MYO3B: variants seen among roughly 807,000 people sequenced by gnomAD.
MYO3B encodes the protein myosin IIIB.
Under a neutral mutation model 174.6 loss-of-function variants are expected in MYO3B, and 156 were observed. The observed-to-expected ratio is 0.89, with a 90% CI of 0.78 to 1.02. The LOEUF is 1.02. MYO3B is among the 50% of genes least tolerant of loss of function. The pLI is 0.00. For synonymous variants in MYO3B, 563 were observed against 569.1 expected (o/e 0.99, Z 0.15); for missense variants, 1,632 against 1,639.4 (o/e 1.00, Z 0.08).
intron 7 of MYO3B, among the ~76,000 whole-genome samples, chr2:170,266,793 T>A (rs1279612436): frequency 2.6e-5 from 4 of 152,016 alleles, no homozygotes; most frequent in Non-Finnish European, 5.9e-5. Context: ...GGCAATAGAG[T>A]GAAACAGTGG....
At chr2:170,287,918 G>A (rs1393679187) in intron 7 of MYO3B, among the ~76,000 whole-genome samples, 2 of 151,970 alleles carry the variant, frequency 1.3e-5, no homozygotes, top group African/African-American at 4.8e-5. Flanking sequence ...GAGAGACTGG[G>A]GTCTAGTTTC....
At chr2:170,495,586 A>G (rs908185241) in intron 25 of MYO3B, among the ~76,000 whole-genome samples, 2 of 151,818 alleles carry the variant, frequency 1.3e-5, no homozygotes, top group Non-Finnish European at 2.9e-5. Flanking sequence ...TTGCTAAAAA[A>G]AAAAACACCC....
chr2:170,513,203 TA>T (rs1379057005), intron 28 of MYO3B, among the ~76,000 whole-genome samples: 10 of 152,120 alleles, frequency 6.6e-5, no homozygotes, highest in Non-Finnish European at 4.4e-5. Context: ...ACCCCAAAAT[TA>T]GATTCCTAGG....
intron 8 of MYO3B, chr2:170,348,342 A>G (rs539112871): frequency 2.5e-4 from 38 of 152,224 alleles, no homozygotes; most frequent in African/African-American, 8.7e-4. Flanking sequence ...GGTTCAAGCA[A>G]TTCTCCTGCC....
chr2:170,519,064 C>A (rs1426825699), intron 29 of MYO3B, among the ~76,000 whole-genome samples: 1 of 152,156 alleles, frequency 6.6e-6, no homozygotes, highest in Non-Finnish European at 1.5e-5. Flanking sequence ...AGCAAGCAGC[C>A]TAGCCAGAAC....
intron 7 of MYO3B, among the ~76,000 whole-genome samples, chr2:170,294,159 C>G (rs1051400102): frequency 3.3e-5 from 5 of 152,000 alleles, no homozygotes; most frequent in Non-Finnish European, 4.4e-5. Flanking sequence ...TTGGCTCAAT[C>G]AACTTTATTC....
At chr2:170,344,220 C>A (rs2093998645) in intron 8 of MYO3B, 1 of 152,296 alleles carries the variant, frequency 6.6e-6, no homozygotes, top group Non-Finnish European at 1.5e-5. Flanking sequence ...GTAATCCTAG[C>A]ACTTTTGGAG....
intron 7 of MYO3B, among the ~76,000 whole-genome samples, chr2:170,323,721 A>T (rs1321328750): frequency 6.6e-6 from 1 of 152,228 alleles, no homozygotes; most frequent in Non-Finnish European, 1.5e-5. Flanking sequence ...GCACATTATT[A>T]GCACAGTGCT....
At chr2:170,650,171 T>C (rs2105499146) in intron 32 of MYO3B, among the ~76,000 whole-genome samples, 1 of 151,714 alleles carries the variant, frequency 6.6e-6, no homozygotes, top group African/African-American at 2.4e-5. Flanking sequence ...CAGCTGGGAC[T>C]ACAGGCGCCC....
intron 25 of MYO3B, among the ~76,000 whole-genome samples, chr2:170,479,789 G>T (rs1265201035): frequency 1.4e-5 from 2 of 147,262 alleles, no homozygotes; most frequent in Non-Finnish European, 3.0e-5. Flanking sequence ...TTTGTAATAA[G>T]AACTAAATAT....
chr2:170,530,447 GTTTGC>G (rs1689288166), intron 30 of MYO3B, among the ~76,000 whole-genome samples: 1 of 152,150 alleles, frequency 6.6e-6, no homozygotes. Flanking sequence ...TATCATTTTT[GTTTGC>G]TTTGCAAATA....
intron 7 of MYO3B, among the ~76,000 whole-genome samples, chr2:170,238,510 G>C (rs1177054262): frequency 1.3e-5 from 2 of 152,176 alleles, no homozygotes; most frequent in African/African-American, 4.8e-5. Flanking sequence ...TCTTGTCAGT[G>C]AAACAATGAA....
At chr2:170,465,501 A>C (rs1684567382) in intron 24 of MYO3B, among the ~76,000 whole-genome samples, 1 of 152,302 alleles carries the variant, frequency 6.6e-6, no homozygotes, top group South Asian at 2.1e-4. Flanking sequence ...ATTAGAGGTC[A>C]CATTTCAACA....
At chr2:170,276,497 T>A (rs1213811067) in intron 7 of MYO3B, among the ~76,000 whole-genome samples, 3 of 152,190 alleles carry the variant, frequency 2.0e-5, no homozygotes, top group Non-Finnish European at 4.4e-5. Context: ...ATACAAACCC[T>A]GTAGCCTAAC....
At chr2:170,614,536 A>G (rs1695324479) in intron 32 of MYO3B, among the ~76,000 whole-genome samples, 1 of 152,094 alleles carries the variant, frequency 6.6e-6, no homozygotes, top group South Asian at 2.1e-4. Context: ...TCTCACCAGC[A>G]CTTACTCCTC....
chr2:170,585,523 A>G (rs77589408), intron 32 of MYO3B, among the ~76,000 whole-genome samples: 2 of 152,018 alleles, frequency 1.3e-5, no homozygotes, highest in South Asian at 4.1e-4. Context: ...TCAATTTTTT[A>G]CACCTTTTTG....
At chr2:170,524,598 C>A in intron 30 of MYO3B, 1 of 397,160 alleles carries the variant, frequency 2.5e-6, no homozygotes, top group East Asian at 8.6e-5. Flanking sequence ...ATTCTCCTGC[C>A]TCAGCCTCCC....
At chr2:170,451,678 A>G (rs1683602394) in intron 23 of MYO3B, among the ~76,000 whole-genome samples, 2 of 152,236 alleles carry the variant, frequency 1.3e-5, no homozygotes, top group South Asian at 2.1e-4. Flanking sequence ...ATATATAAAC[A>G]TCACACAAAC....
intron 32 of MYO3B, among the ~76,000 whole-genome samples, chr2:170,557,817 G>A (rs956822265): frequency 6.6e-5 from 10 of 152,100 alleles, no homozygotes; most frequent in Non-Finnish European, 1.3e-4. Flanking sequence ...GACCTGCAGC[G>A]AAGAGTCAGA....
Sources: allele counts gnomAD v4.1 joint callset (sites outside exome capture counted in the v4.1 genomes callset), GRCh38; gene constraint gnomAD v4.1.1; transcripts MANE v1.5; gene names NCBI Gene and HGNC (gene_info 2026-07-23, HGNC 2026-07-21).